The following TBRG1 variants were observed in gnomAD, a reference collection of about 807,000 sequenced individuals.
TBRG1 encodes nuclear interactor of ARF and MDM2.
Under a neutral mutation model 44.0 loss-of-function variants are expected in TBRG1, and 31 were observed. The ratio of observed to expected loss-of-function variants is 0.70; its 90% confidence interval spans 0.53 to 0.95. The LOEUF (loss-of-function observed/expected upper bound fraction) is 0.95, where lower values mean the gene tolerates loss of function less well. TBRG1 is among the 40% of genes least tolerant of loss of function. TBRG1 has a pLI of 0.00. For synonymous variants in TBRG1, 171 were observed against 188.1 expected (o/e 0.91, Z 0.74); for missense variants, 487 against 496.1 (o/e 0.98, Z 0.18).
rs935594453 is a variant in TBRG1 at position 124,632,905 on chromosome 11, G to A, written c.*667G>A. Reference sequence around the variant, plus strand: ...TCTGTAGTAGCAGCAGCTGACTAACGAGGGAGATAGGGAGATTCTGACAAA... The same window carrying A: ...TCTGTAGTAGCAGCAGCTGACTAACAAGGGAGATAGGGAGATTCTGACAAA... On this transcript the variant is annotated 3_prime_UTR_variant, in exon 9 of 9. Transcript: ENST00000441174. The A allele has an allele frequency of 1.3e-5, 2 of 152,162 alleles. No individual in the cohort carries two copies. Among genetic ancestry groups the A allele is most frequent in the African/African-American group, 2.4e-5 (1 of 41,428 alleles). 9.4% of individuals were successfully genotyped at this position (152,162 alleles called of 1,614,324 possible). A position where few individuals can be genotyped will look rare whatever the true frequency, so the allele number is the denominator to read the frequency against.
intron 5 of TBRG1, 22 bp from the exon 6 acceptor site, chr11:124,630,366 A>G: frequency 6.6e-7 from 1 of 1,504,840 alleles, no homozygotes; most frequent in Non-Finnish European, 9.3e-7. Context: ...GATTGATCTC[A>G]TTGCTCGTTT....
rs1467204465 is a variant in TBRG1, at chr11:124,631,418, G to A, written c.1090+1G>A. 7 of 1,613,688 alleles carry A rather than the reference G, an allele frequency of 4.3e-6. No individual in the cohort carries two copies. The highest frequency in any genetic ancestry group is 5.9e-6 in the Non-Finnish European group (7 of 1,179,868). On this transcript the variant is annotated splice_donor_variant, in intron 8 of 8. Coordinates refer to ENST00000441174, the MANE Select transcript of TBRG1 (RefSeq NM_032811.3). LOFTEE classifies it high-confidence loss of function. ...GATCAGAATGATCCCCTTCTGCCAG[G>A]TATCTTTAACTTTACCTTTCTGGTT...
At chr11:124,629,672 A>G (rs1481594531) in intron 5 of TBRG1, among the ~76,000 whole-genome samples, 1 of 152,252 alleles carries the variant, frequency 6.6e-6, no homozygotes, top group Admixed American at 6.5e-5. Context: ...AATTATACAG[A>G]AAATAAATTA....
At chr11:124,629,481 G>T (rs1267433768) in intron 5 of TBRG1, among the ~76,000 whole-genome samples, 1 of 152,184 alleles carries the variant, frequency 6.6e-6, no homozygotes, top group Non-Finnish European at 1.5e-5. Flanking sequence ...ACCATTGATT[G>T]AAACCACTCA....
intron 3 of TBRG1, 58 bp from the exon 4 acceptor site, chr11:124,626,415 C>T: frequency 7.0e-7 from 1 of 1,436,844 alleles, no homozygotes; most frequent in Non-Finnish European, 9.3e-7. Context: ...GCAAATTTAT[C>T]CCTTCCCTTC....
chr11:124,631,489 C>T, intron 8 of TBRG1, 72 bp downstream of exon 8: 1 of 1,437,606 alleles, frequency 7.0e-7, no homozygotes, highest in Non-Finnish European at 9.7e-7. Context: ...TCACACATAG[C>T]CGAGTACCCT....
intron 3 of TBRG1, 53 bp downstream of exon 3, chr11:124,625,956 G>T: frequency 6.7e-7 from 1 of 1,487,398 alleles, no homozygotes; most frequent in Non-Finnish European, 8.9e-7. Context: ...ACTAATGACA[G>T]TTAGACCTGG....
rs779628566 is a variant in TBRG1 at position 124,630,772 on chromosome 11, A to G, written c.864A>G (p.Pro288=). ...TMGKLMPNLL[P]AGADFFGFSH... ...GGAAACTAATGCCTAACCTGCTTCCAGCTGGAGCTGACTTTTTTGGATTTT... is the reference window on the plus strand; with the variant it reads ...GGAAACTAATGCCTAACCTGCTTCCGGCTGGAGCTGACTTTTTTGGATTTT... Residue 288 remains proline, a synonymous_variant, in exon 7 of 9, where the codon CCA becomes CCG. Coordinates refer to ENST00000441174, the MANE Select transcript of TBRG1 (RefSeq NM_032811.3). 3.2e-4 allele frequency: 516 copies of G among 1,607,756 alleles called. 7 individuals carry two copies. In the East Asian group the frequency reaches 0.011, roughly 36 times the overall value.
intron 5 of TBRG1, among the ~76,000 whole-genome samples, chr11:124,628,822 C>T (rs1040610285): frequency 1.3e-5 from 2 of 152,026 alleles, no homozygotes; most frequent in African/African-American, 4.8e-5. Flanking sequence ...ATCTAGACTG[C>T]ACTAGGTACA....
At chr11:124,624,363 CAAAA>C (rs61352898) in intron 1 of TBRG1, among the ~76,000 whole-genome samples, 128 of 83,600 alleles carry the variant, frequency 1.5e-3, no homozygotes, top group African/African-American at 6.1e-3. Context: ...TCATCATTTA[CAAAA>C]AAAAAAAAAA....
At chr11:124,629,053 T>C (rs766077695) in intron 5 of TBRG1, among the ~76,000 whole-genome samples, 3 of 152,348 alleles carry the variant, frequency 2.0e-5, no homozygotes, top group Non-Finnish European at 2.9e-5. Context: ...GACTAAAGTA[T>C]AACATTTCTA....
At chr11:124,624,710 A>G (rs1942419456) in intron 1 of TBRG1, among the ~76,000 whole-genome samples, 1 of 152,126 alleles carries the variant, frequency 6.6e-6, no homozygotes, top group Admixed American at 6.5e-5. Flanking sequence ...TCACTCAAAG[A>G]TGTCCCGGAT....
chr11:124,629,452 T>A (rs756074723), intron 5 of TBRG1, among the ~76,000 whole-genome samples: 35 of 152,348 alleles, frequency 2.3e-4, no homozygotes, highest in Middle Eastern at 3.4e-3. Flanking sequence ...GGTATGCCAT[T>A]GGTTGAAATA....
rs1436043758 is a variant in TBRG1, at chr11:124,635,537, A to C, written c.*3299A>C. 1.3e-5 allele frequency: 2 copies of C among 152,230 alleles called. No individual in the cohort carries two copies. Among genetic ancestry groups the C allele is most frequent in the Non-Finnish European group, 2.9e-5 (2 of 68,036 alleles). The allele number at this position is 152,230 out of a possible 1,614,324, so 9.4% of individuals were successfully genotyped here. ...AAAAAGTTCCTAAATTGGGGGAAACATAGTGAATTCCACATAATGTTTTAA... is the reference window on the plus strand; with the variant it reads ...AAAAAGTTCCTAAATTGGGGGAAACCTAGTGAATTCCACATAATGTTTTAA... On this transcript the variant is annotated 3_prime_UTR_variant, in exon 9 of 9. Transcript: ENST00000441174.
Position 124,623,028 on chromosome 11 carries a change from C to G in TBRG1, c.-56C>G, listed in dbSNP as rs888361164. 2.0e-6 allele frequency: 3 copies of G among 1,479,992 alleles called. No homozygotes were observed. Among genetic ancestry groups the G allele is most frequent in the Admixed American group, 5.0e-5 (2 of 39,840 alleles). 91.7% of individuals were successfully genotyped at this position (1,479,992 alleles called of 1,614,324 possible). A position where few individuals can be genotyped will look rare whatever the true frequency, so the allele number is the denominator to read the frequency against. On this transcript the variant is annotated 5_prime_UTR_variant, in exon 1 of 9. Coordinates refer to ENST00000441174, the MANE Select transcript of TBRG1 (RefSeq NM_032811.3). ...CAAAGCCAGCGCTCCCGCCCGCTCC[C>G]CGACTTAGGATCCGATGCCGGCAGC...
chr11:124,624,555 T>G (rs1190345477), intron 1 of TBRG1, among the ~76,000 whole-genome samples: 1 of 152,178 alleles, frequency 6.6e-6, no homozygotes, highest in Non-Finnish European at 1.5e-5. Flanking sequence ...TTATAGTATT[T>G]AATTTAAGCA....
chr11:124,625,651 C>G lies in TBRG1; in HGVS notation c.222-20C>G. ...CAATACGGAAGTTCATTTCTCTGCTCCTTTCCTTCCTGATCTCAGGTACTT... is the reference window on the plus strand; with the variant it reads ...CAATACGGAAGTTCATTTCTCTGCTGCTTTCCTTCCTGATCTCAGGTACTT... On this transcript the variant is annotated intron_variant, in intron 2 of 8. Coordinates refer to ENST00000441174, the MANE Select transcript of TBRG1 (RefSeq NM_032811.3). The G allele has an allele frequency of 6.5e-7, 1 of 1,546,202 alleles. No individual in the cohort carries two copies. The highest frequency in any genetic ancestry group is 8.7e-7 in the Non-Finnish European group (1 of 1,145,262).
Position 124,634,040 on chromosome 11 carries a change from T to A in TBRG1, c.*1802T>A, listed in dbSNP as rs969071928. On this transcript the variant is annotated 3_prime_UTR_variant, in exon 9 of 9. Coordinates refer to ENST00000441174, the MANE Select transcript of TBRG1 (RefSeq NM_032811.3). ...ATGTGTAAAATGTTTTTACTATGGA[T>A]CATGGATTTAAGAAACTTGAAAAGC... is the stretch of plus-strand genomic sequence containing the variant. 4 of 152,224 alleles carry A rather than the reference T, an allele frequency of 2.6e-5. No individual in the cohort carries two copies. Among genetic ancestry groups the A allele is most frequent in the Non-Finnish European group, 5.9e-5 (4 of 68,056 alleles). 9.4% of individuals were successfully genotyped at this position (152,224 alleles called of 1,614,324 possible). A position where few individuals can be genotyped will look rare whatever the true frequency, so the allele number is the denominator to read the frequency against.
chr11:124,627,894 ATTC>A (rs1942506866), intron 5 of TBRG1, among the ~76,000 whole-genome samples: 1 of 151,906 alleles, frequency 6.6e-6, no homozygotes, highest in African/African-American at 2.4e-5. Flanking sequence ...TGAAAAGCCG[ATTC>A]TTAATTTTCT....
Sources: gnomAD v4.1 joint callset for allele counts (sites outside exome capture counted in the v4.1 genomes callset) on GRCh38, gnomAD v4.1.1 for gene constraint, MANE v1.5 for transcripts, NCBI Gene and HGNC (gene_info 2026-07-23, HGNC 2026-07-21) for gene names.